GPCPD1: variants seen among roughly 807,000 people sequenced by gnomAD.
GPCPD1 encodes glycerophosphocholine phosphodiesterase GPCPD1.
In GPCPD1, 29 loss-of-function variants were observed where a neutral mutation model predicts 89.2. The observed-to-expected ratio is 0.33, with a 90% CI of 0.24 to 0.44. The LOEUF is 0.44. Among genes scored for constraint, GPCPD1 ranks in the 20% least tolerant of loss-of-function variants. The pLI is 1.00. For missense variants in GPCPD1, 594 were observed against 808.9 expected, an observed-to-expected ratio of 0.73 and a Z score of 3.22; for synonymous variants, 258 against 266.3, an observed-to-expected ratio of 0.97 and a Z score of 0.30.
At chr20:5,588,316 C>G (rs1233514314) in intron 4 of GPCPD1, among the ~76,000 whole-genome samples, 2 of 150,986 alleles carry the variant, frequency 1.3e-5, no homozygotes, top group African/African-American at 2.4e-5. Context: ...ACAAGCCTGG[C>G]CAACATAGTG....
At position 5,549,563 on chromosome 20, in the gene GPCPD1, C is replaced by A. The variant is rs113911861; in HGVS notation, c.1830-1713G>T. 1.1e-3 allele frequency: 864 copies of A among 821,168 alleles called. 4 individuals carry two copies. In the African/African-American group the frequency reaches 0.011, roughly 11 times the overall value. 50.9% of individuals were successfully genotyped at this position (821,168 alleles called of 1,614,324 possible). A position where few individuals can be genotyped will look rare whatever the true frequency, so the allele number is the denominator to read the frequency against. ...TCGAGATTTTGGAGCTGAATCAAAG[C>A]CTCTTCAAAAACTACTAGAGTGGAC... On this transcript the variant is annotated intron_variant, in intron 19 of 19. Coordinates refer to ENST00000379019, the MANE Select transcript of GPCPD1 (RefSeq NM_019593.5).
chr20:5,560,110 C>G, intron 16 of GPCPD1, 34 bp from the exon 17 acceptor site: 2 of 1,474,038 alleles, frequency 1.4e-6, no homozygotes, highest in South Asian at 1.4e-5. Flanking sequence ...AAAGTCACTG[C>G]ACATCCTAAA....
At chr20:5,549,815 T>C (rs1490181434) in intron 19 of GPCPD1, among the ~76,000 whole-genome samples, 3 of 144,132 alleles carry the variant, frequency 2.1e-5, no homozygotes, top group Non-Finnish European at 3.0e-5. Context: ...TAAATGAGAA[T>C]AGGATGCTAA....
chr20:5,563,042 G>A (rs1463467038), intron 15 of GPCPD1, among the ~76,000 whole-genome samples: 3 of 151,512 alleles, frequency 2.0e-5, no homozygotes, highest in African/African-American at 7.3e-5. Context: ...GAGTGCAGTG[G>A]CGCGATCTCG....
chr20:5,567,105 A>G (rs1986429842), intron 13 of GPCPD1, among the ~76,000 whole-genome samples: 1 of 152,258 alleles, frequency 6.6e-6, no homozygotes, highest in South Asian at 2.1e-4. Flanking sequence ...GGTATTGGAA[A>G]TTAACATATA....
intron 3 of GPCPD1, among the ~76,000 whole-genome samples, chr20:5,597,755 C>T (rs1979832707): frequency 6.6e-6 from 1 of 152,224 alleles, no homozygotes; most frequent in Non-Finnish European, 1.5e-5. Context: ...GGCCTACAGA[C>T]ATCAGCCGCC....
intron 15 of GPCPD1, among the ~76,000 whole-genome samples, chr20:5,563,094 T>G (rs1986184561): frequency 6.6e-6 from 1 of 152,040 alleles, no homozygotes; most frequent in Non-Finnish European, 1.5e-5. Flanking sequence ...GCCATTCTGC[T>G]GCCTCAGCCT....
chr20:5,579,014 C>G (rs772485832), intron 7 of GPCPD1, among the ~76,000 whole-genome samples: 1 of 151,788 alleles, frequency 6.6e-6, no homozygotes, highest in Non-Finnish European at 1.5e-5. Context: ...ATGGTGAAAC[C>G]CCATCTGCAA....
rs542972249 is a variant in GPCPD1 at position 5,593,284 on chromosome 20, A to G, written c.231+43T>C. On this transcript the variant is annotated intron_variant, in intron 4 of 19. Transcript: ENST00000379019. ...TCAAACTTAAGTGAGTTGCTTTTGA[A>G]GGAAGTGCTAAAGGAATTGGAAACT... 44 of 957,958 alleles carry G rather than the reference A, an allele frequency of 4.6e-5. No homozygotes were observed. The South Asian group carries it at 5.8e-4, about 13-fold the overall frequency. 59.3% of individuals were successfully genotyped at this position (957,958 alleles called of 1,614,324 possible).
intron 2 of GPCPD1, among the ~76,000 whole-genome samples, chr20:5,603,532 T>C (rs557024651): frequency 1.3e-5 from 2 of 151,950 alleles, no homozygotes; most frequent in South Asian, 4.2e-4. Context: ...ATGGAGCACA[T>C]TTAAGGAACT....
chr20:5,588,022 T>G (rs1318612203), intron 4 of GPCPD1, among the ~76,000 whole-genome samples: 2 of 152,216 alleles, frequency 1.3e-5, no homozygotes, highest in East Asian at 3.8e-4. Flanking sequence ...ATAGTTCACC[T>G]TAATTGGTAG....
chr20:5,547,973 T>C, intron 19 of GPCPD1, 123 bp from the exon 20 acceptor site: 2 of 520,264 alleles, frequency 3.8e-6, no homozygotes. Flanking sequence ...CACATCAGAG[T>C]TTTTGTTTTG....
At chr20:5,559,908 G>A in intron 17 of GPCPD1, 32 bp downstream of exon 17, 1 of 1,314,074 alleles carries the variant, frequency 7.6e-7, no homozygotes. Flanking sequence ...CACATTCTAA[G>A]AGTATAGGAA....
intron 19 of GPCPD1, among the ~76,000 whole-genome samples, chr20:5,552,337 A>G (rs576717837): frequency 5.9e-4 from 90 of 152,276 alleles, no homozygotes; most frequent in Middle Eastern, 3.4e-3. Context: ...CAAAGTAAAC[A>G]TAACCACTCC....
intron 4 of GPCPD1, among the ~76,000 whole-genome samples, chr20:5,588,612 G>GTCGGAGTTCGAGACCA (rs1555808317): frequency 4.6e-5 from 7 of 151,704 alleles, no homozygotes; most frequent in African/African-American, 1.7e-4. Context: ...ATCACTTGAG[G>GTCGGAGTTCGAGACCA]TCAGGAGTTC....
At chr20:5,571,485 T>G (rs1311527570) in intron 11 of GPCPD1, among the ~76,000 whole-genome samples, 1 of 152,158 alleles carries the variant, frequency 6.6e-6, no homozygotes, top group Non-Finnish European at 1.5e-5. Flanking sequence ...AGATATGTAT[T>G]TAACATTAAA....
At chr20:5,598,970 C>A in intron 2 of GPCPD1, 149 bp from the exon 3 acceptor site, 1 of 618,550 alleles carries the variant, frequency 1.6e-6, no homozygotes, top group South Asian at 1.9e-5. Flanking sequence ...GGCCCAGGTA[C>A]CTACCACTCA....
At chr20:5,556,760 A>G (rs989504718) in intron 19 of GPCPD1, among the ~76,000 whole-genome samples, 11 of 152,328 alleles carry the variant, frequency 7.2e-5, no homozygotes, top group African/African-American at 2.2e-4. Context: ...TTGACTCCCT[A>G]CTGGATGCCC....
chr20:5,596,288 A>G (rs894517530), intron 3 of GPCPD1, among the ~76,000 whole-genome samples: 2 of 152,122 alleles, frequency 1.3e-5, no homozygotes, highest in African/African-American at 4.8e-5. Context: ...GCTACTCGAG[A>G]GGCTGAGGCA....
Sources: allele counts gnomAD v4.1 joint callset (sites outside exome capture counted in the v4.1 genomes callset), GRCh38; gene constraint gnomAD v4.1.1; transcripts MANE v1.5; gene names NCBI Gene and HGNC (gene_info 2026-07-23, HGNC 2026-07-21).